RASAL2: variants seen among roughly 807,000 people sequenced by gnomAD.
RASAL2 encodes the protein ras GTPase-activating protein nGAP.
In RASAL2, 58 loss-of-function variants were observed where a neutral mutation model predicts 128.9. The observed-to-expected ratio is 0.45, with a 90% CI of 0.36 to 0.56. RASAL2 has a LOEUF of 0.56. Ranked by LOEUF, RASAL2 falls within the 20% of genes least tolerant of loss-of-function variation. The pLI is 0.00. For missense variants in RASAL2, 1,360 were observed against 1,601.6 expected (o/e 0.85, Z 2.57); for synonymous variants, 561 against 580.8 (o/e 0.97, Z 0.49).
chr1:178,314,746 G>A (rs977919150), intron 3 of RASAL2, among the ~76,000 whole-genome samples: 3 of 152,054 alleles, frequency 2.0e-5, no homozygotes, highest in Non-Finnish European at 4.4e-5. Context: ...AGGCATCACA[G>A]ATACTTATAA....
At chr1:178,223,160 A>G (rs2102006843) in intron 1 of RASAL2, among the ~76,000 whole-genome samples, 1 of 152,322 alleles carries the variant, frequency 6.6e-6, no homozygotes. Context: ...TTGTGTGCTT[A>G]CAATTTGCTA....
intron 3 of RASAL2, among the ~76,000 whole-genome samples, chr1:178,388,229 TAG>T (rs541400325): frequency 1.3e-5 from 2 of 152,166 alleles, no homozygotes; most frequent in Non-Finnish European, 2.9e-5. Flanking sequence ...CCTAGCCACA[TAG>T]AGTCATCTAA....
chr1:178,339,973 A>G (rs1669782579), intron 3 of RASAL2, among the ~76,000 whole-genome samples: 1 of 152,296 alleles, frequency 6.6e-6, no homozygotes, highest in East Asian at 1.9e-4. Context: ...AAACATAAAT[A>G]ACATCATCAG....
At chr1:178,336,695 A>T (rs1669603293) in intron 3 of RASAL2, among the ~76,000 whole-genome samples, 1 of 151,866 alleles carries the variant, frequency 6.6e-6, no homozygotes. Context: ...AAGAAAATGA[A>T]TTTGTTTAAA....
rs113742223 is a variant in RASAL2 at position 178,160,666 on chromosome 1, T to C, written c.202+65972T>C. ...AATAATAATAATGAAAACAAAAAAA[T>C]ATATTGAGTCCATCTTTATTAATCC... On this transcript the variant is annotated intron_variant, in intron 1 of 17. Coordinates refer to ENST00000367649, the MANE Select transcript of RASAL2 (RefSeq NM_170692.4). Among the ~76,000 whole-genome samples, 389 of 152,160 alleles carry C rather than the reference T, an allele frequency of 2.6e-3. 2 individuals carry two copies. Among genetic ancestry groups the C allele is most frequent in the South Asian group, 0.011 (52 of 4,816 alleles).
At chr1:178,416,539 C>T (rs981320156) in intron 4 of RASAL2, among the ~76,000 whole-genome samples, 2 of 151,936 alleles carry the variant, frequency 1.3e-5, no homozygotes, top group African/African-American at 4.8e-5. Context: ...TTTATTTTCA[C>T]TTATTCCTTT....
chr1:178,282,038 G>A (rs1666805787), intron 1 of RASAL2, among the ~76,000 whole-genome samples: 1 of 152,120 alleles, frequency 6.6e-6, no homozygotes, highest in Non-Finnish European at 1.5e-5. Context: ...ACAAGGGGAG[G>A]GTTGAGGGTA....
chr1:178,428,121 G>T (rs1004819092), intron 5 of RASAL2, among the ~76,000 whole-genome samples: 1 of 150,886 alleles, frequency 6.6e-6, no homozygotes, highest in African/African-American at 2.4e-5. Flanking sequence ...TTGTTTCTTC[G>T]GTTGCTGAGT....
intron 1 of RASAL2, among the ~76,000 whole-genome samples, chr1:178,113,332 T>A (rs540554476): frequency 6.6e-6 from 1 of 152,130 alleles, no homozygotes; most frequent in Non-Finnish European, 1.5e-5. Context: ...TGCATGCCCA[T>A]AGGTCTTGTT....
chr1:178,435,744 AT>A (rs1676213283), intron 5 of RASAL2, among the ~76,000 whole-genome samples: 1 of 152,074 alleles, frequency 6.6e-6, no homozygotes, highest in African/African-American at 2.4e-5. Flanking sequence ...GCAGTTTTTT[AT>A]TTAAATCAAT....
chr1:178,180,990 A>C (rs1662089143), intron 1 of RASAL2, among the ~76,000 whole-genome samples: 1 of 152,120 alleles, frequency 6.6e-6, no homozygotes, highest in Admixed American at 6.5e-5. Context: ...GCTATTCATA[A>C]CATTTTCTTA....
chr1:178,235,599 C>T (rs545366431), intron 1 of RASAL2, among the ~76,000 whole-genome samples: 25 of 150,072 alleles, frequency 1.7e-4, no homozygotes, highest in East Asian at 3.9e-4. Flanking sequence ...GCTTCGTGTG[C>T]GTGTGTGTGT....
chr1:178,411,400 G>A (rs1367782691), intron 4 of RASAL2, among the ~76,000 whole-genome samples: 2 of 152,200 alleles, frequency 1.3e-5, no homozygotes, highest in Admixed American at 6.5e-5. Flanking sequence ...GACTTGGGAG[G>A]AAGGGTGGGA....
chr1:178,171,862 T>G (rs1483327523), intron 1 of RASAL2, among the ~76,000 whole-genome samples: 1 of 152,030 alleles, frequency 6.6e-6, no homozygotes, highest in Non-Finnish European at 1.5e-5. Context: ...TCAAGTATTT[T>G]CAAAAGGATT....
chr1:178,143,252 T>C (rs1414232443), intron 1 of RASAL2, among the ~76,000 whole-genome samples: 1 of 151,932 alleles, frequency 6.6e-6, no homozygotes, highest in Non-Finnish European at 1.5e-5. Flanking sequence ...ATCTATAATA[T>C]CATAGATGTA....
chr1:178,390,588 A>T (rs929715147), intron 4 of RASAL2, among the ~76,000 whole-genome samples: 2 of 152,110 alleles, frequency 1.3e-5, no homozygotes, highest in African/African-American at 2.4e-5. Context: ...CACATTGGCC[A>T]GGCTGGTCTC....
intron 4 of RASAL2, among the ~76,000 whole-genome samples, chr1:178,391,778 G>A (rs1672921861): frequency 6.6e-6 from 1 of 152,182 alleles, no homozygotes; most frequent in African/African-American, 2.4e-5. Context: ...TTAACTTAGA[G>A]TTGTTTATAC....
intron 1 of RASAL2, among the ~76,000 whole-genome samples, chr1:178,110,650 A>ATATGTATATATG (rs1553250961): frequency 7.2e-6 from 1 of 139,158 alleles, no homozygotes; most frequent in African/African-American, 2.6e-5. Flanking sequence ...ATATATATAT[A>ATATGTATATATG]TATGTATGTA....
rs71297900 is a variant in RASAL2 at position 178,141,193 on chromosome 1, C to CTTTTTTTTTTTTTTTTTTTTTTTTTTT, written c.202+46524_202+46525insTTTTTTTTTTTTTTTTTTTTTTTTTTT. Among the ~76,000 whole-genome samples, 4 of 73,948 alleles carry CTTTTTTTTTTTTTTTTTTTTTTTTTTT rather than the reference C, an allele frequency of 5.4e-5. 1 individual carries two copies. The highest frequency in any genetic ancestry group is 2.1e-4 in the Admixed American group (1 of 4,668). The allele number at this position is 73,948 out of a possible 152,430, so 48.5% of individuals were successfully genotyped here. A position where few individuals can be genotyped will look rare whatever the true frequency, so the allele number is the denominator to read the frequency against. ...CTGGAGACCACTTTTCTTTTCTTTT[C>CTTTTTTTTTTTTTTTTTTTTTTTTTTT]TTTTTTTTTTTTTTTTTTTTTTTTT... is the stretch of plus-strand genomic sequence containing the variant. On this transcript the variant is annotated intron_variant, in intron 1 of 17. Coordinates refer to ENST00000367649, the MANE Select transcript of RASAL2 (RefSeq NM_170692.4).
Sources: allele counts gnomAD v4.1 joint callset (sites outside exome capture counted in the v4.1 genomes callset), GRCh38; gene constraint gnomAD v4.1.1; transcripts MANE v1.5; gene names NCBI Gene and HGNC (gene_info 2026-07-23, HGNC 2026-07-21).